Variants in DNAH17 observed in about 807,000 individuals in gnomAD.
DNAH17 encodes axonemal beta dynein heavy chain 17.
Under a neutral mutation model 485.6 loss-of-function variants are expected in DNAH17, and 376 were observed. The observed-to-expected ratio is 0.77, with a 90% CI of 0.71 to 0.84. The LOEUF (loss-of-function observed/expected upper bound fraction) is 0.84, where lower values mean the gene tolerates loss of function less well. Ranked by LOEUF, DNAH17 falls within the 40% of genes least tolerant of loss-of-function variation. The pLI is 0.00. For missense variants in DNAH17, 6,370 were observed against 5,839.3 expected (o/e 1.09, Z -2.96); for synonymous variants, 3,031 against 2,405.9 (o/e 1.26, Z -7.60).
chr17:78,451,688 A>G lies in DNAH17; in HGVS notation c.10530-15T>C, dbSNP rs747940839. On this transcript the variant is annotated splice_polypyrimidine_tract_variant and intron_variant, in intron 65 of 80. Coordinates refer to ENST00000389840, the MANE Select transcript of DNAH17 (RefSeq NM_173628.4). The stretch of plus-strand genomic sequence containing the variant: ...TCTTAATGTACCTGGCGGTTGGTGG[A>G]GGAAAGGGTTAGTGGGCCTCCCAGT... The G allele has an allele frequency of 6.5e-7, 1 of 1,548,318 alleles. No homozygotes were observed. Among genetic ancestry groups the G allele is most frequent in the Non-Finnish European group, 8.7e-7 (1 of 1,146,650 alleles).
intron 14 of DNAH17, among the ~76,000 whole-genome samples, chr17:78,553,314 T>G (rs2091950338): frequency 5.7e-5 from 3 of 52,484 alleles, no homozygotes; most frequent in African/African-American, 1.9e-4. Context: ...TTTTTTTTTT[T>G]TTTTTAAGAT....
rs1387307141 is a variant in DNAH17 at position 78,433,939 on chromosome 17, AGGAGGGAGGGAAGGAGGGAG to A, written c.12225+70_12225+89del. 5.2e-3 allele frequency: 4,797 copies of A among 913,822 alleles called. 205 individuals are homozygous for A. In the African/African-American group the frequency reaches 0.092, roughly 18 times the overall value. 56.6% of individuals were successfully genotyped at this position (913,822 alleles called of 1,614,324 possible). ...AGGGAGGGAAGGAAGGAGGGAGGGA[AGGAGGGAGGGAAGGAGGGAG>A]GGAAGGAGGGAGGGAAGGAGGGAAA... On this transcript the variant is annotated intron_variant, in intron 75 of 80. Transcript: ENST00000389840.
intron 74 of DNAH17, among the ~76,000 whole-genome samples, chr17:78,434,698 C>A (rs2086802091): frequency 6.6e-6 from 1 of 151,980 alleles, no homozygotes; most frequent in South Asian, 2.1e-4. Flanking sequence ...CTTCTCAAAC[C>A]CTTTCTTTTT....
At chr17:78,472,123 T>C (rs1195785298) in intron 54 of DNAH17, among the ~76,000 whole-genome samples, 1 of 152,204 alleles carries the variant, frequency 6.6e-6, no homozygotes, top group Non-Finnish European at 1.5e-5. Context: ...TCCCTTTCTT[T>C]GGCCAAAACA....
intron 17 of DNAH17, among the ~76,000 whole-genome samples, chr17:78,540,468 T>TGG (rs1210750181): frequency 7.5e-5 from 1 of 13,370 alleles, no homozygotes; most frequent in Admixed American, 9.5e-4. Flanking sequence ...GGTGGGTGGG[T>TGG]ATGTGGATGT....
In DNAH17 at chr17:78,476,485, G is replaced by C. The variant is rs1437116404; in HGVS notation, c.8154+87C>G. 3.5e-6 allele frequency: 5 copies of C among 1,434,078 alleles called. No individual in the cohort carries two copies. The Admixed American group carries it at 1.0e-4, about 29-fold the overall frequency. 88.8% of individuals were successfully genotyped at this position (1,434,078 alleles called of 1,614,324 possible). ...CACCCCCAACAAAGGGCCCTTCTGA[G>C]AGGGCTGCAGTTCTCATTGGCCGCC... is the stretch of plus-strand genomic sequence containing the variant. On this transcript the variant is annotated intron_variant, in intron 52 of 80. Transcript: ENST00000389840.
intron 11 of DNAH17, among the ~76,000 whole-genome samples, chr17:78,565,122 C>CA (rs1479148082): frequency 3.3e-5 from 5 of 152,182 alleles, no homozygotes; most frequent in East Asian, 1.9e-4. Context: ...CATGGACTCC[C>CA]ACCCTGCTCC....
chr17:78,485,112 T>C (rs2089540242), intron 47 of DNAH17, 79 bp from the exon 48 acceptor site: 1 of 1,460,454 alleles, frequency 6.8e-7, no homozygotes, highest in Non-Finnish European at 9.1e-7. Context: ...CGCTACCTGC[T>C]TCCCCGGAGG....
Position 78,484,739 on chromosome 17 carries a change from A to AC in DNAH17, c.7649+128dup, listed in dbSNP as rs1230693196. 98 of 349,492 alleles carry AC rather than the reference A, an allele frequency of 2.8e-4. 1 individual carries two copies. Among genetic ancestry groups the AC allele is most frequent in the East Asian group, 1.1e-3 (18 of 16,086 alleles). 21.6% of individuals were successfully genotyped at this position (349,492 alleles called of 1,614,324 possible). A position where few individuals can be genotyped will look rare whatever the true frequency, so the allele number is the denominator to read the frequency against. ...CGTGTCTCCCTACCCACGTTGCAGC[A>AC]CCCCCCCCACCGCCCCACACCAGTC... On this transcript the variant is annotated intron_variant, in intron 48 of 80. Transcript: ENST00000389840.
chr17:78,438,443 GAGGGAGGA>G (rs2086934792), intron 73 of DNAH17, among the ~76,000 whole-genome samples: 3 of 111,356 alleles, frequency 2.7e-5, no homozygotes, highest in Non-Finnish European at 3.6e-5. Context: ...GGAGGAGGAG[GAGGGAGGA>G]GGGAGGAGGA....
chr17:78,532,536 C>T lies in DNAH17; in HGVS notation c.3060G>A (p.Trp1020Ter). 1.2e-6 allele frequency: 2 copies of T among 1,611,314 alleles called. No homozygotes were observed. Among genetic ancestry groups the T allele is most frequent in the South Asian group, 2.2e-5 (2 of 90,414 alleles). Residue 1020 changes from tryptophan (W) to a stop codon, truncating the protein, a stop_gained, in exon 20 of 81, where the codon TGG becomes TGA. Coordinates refer to ENST00000389840, the MANE Select transcript of DNAH17 (RefSeq NM_173628.4). LOFTEE classifies it high-confidence loss of function. The part of the protein sequence containing the change: ...CAVTAEDLDT[W>*]TDDTIPKTPP... Reference sequence around the variant, plus strand: ...GTGTCTTGGGGATGGTGTCATCTGTCCAGGTGTCCAAGTCCTCCGCAGTGA... The same window carrying T: ...GTGTCTTGGGGATGGTGTCATCTGTTCAGGTGTCCAAGTCCTCCGCAGTGA...
chr17:78,487,810 G>A (rs2089677817), intron 44 of DNAH17, among the ~76,000 whole-genome samples: 1 of 152,116 alleles, frequency 6.6e-6, no homozygotes, highest in Non-Finnish European at 1.5e-5. Flanking sequence ...CAGACATGAG[G>A]CACTGTGCTT....
At chr17:78,532,405 G>C in intron 20 of DNAH17, 77 bp downstream of exon 20, 1 of 1,497,264 alleles carries the variant, frequency 6.7e-7, no homozygotes, top group Admixed American at 2.3e-5. Flanking sequence ...ATTCACCCAA[G>C]TTTTAAAGCA....
At chr17:78,488,088 T>C (rs986568925) in intron 44 of DNAH17, among the ~76,000 whole-genome samples, 1 of 152,208 alleles carries the variant, frequency 6.6e-6, no homozygotes, top group African/African-American at 2.4e-5. Context: ...CTTTCTGCCT[T>C]CTACTTTGAA....
rs760572591 is a variant in DNAH17, at chr17:78,490,857, G to A, written c.6670-10C>T. 18 of 1,588,298 alleles carry A rather than the reference G, an allele frequency of 1.1e-5. No individual in the cohort carries two copies. The highest frequency in any genetic ancestry group is 1.8e-5 in the Admixed American group (1 of 57,014). On this transcript the variant is annotated splice_polypyrimidine_tract_variant and intron_variant, in intron 43 of 80. Transcript: ENST00000389840. ...TGGCCAGGGTGAGGACCTAGGAGGGGGACAGCAGCCCGTGGGGTCCTAAGG... is the reference window on the plus strand; with the variant it reads ...TGGCCAGGGTGAGGACCTAGGAGGGAGACAGCAGCCCGTGGGGTCCTAAGG...
chr17:78,511,763 G>A (rs895704931), intron 26 of DNAH17, among the ~76,000 whole-genome samples: 2 of 152,202 alleles, frequency 1.3e-5, no homozygotes, highest in Admixed American at 6.5e-5. Context: ...ATATGTGCCC[G>A]AGGCTCACCA....
intron 68 of DNAH17, chr17:78,449,818 C>T (rs765879684): frequency 7.1e-5 from 37 of 518,068 alleles, no homozygotes; most frequent in South Asian, 1.5e-4. Context: ...CCTCCCAAGG[C>T]GCACACCACC....
intron 14 of DNAH17, among the ~76,000 whole-genome samples, chr17:78,554,336 C>T (rs570785243): frequency 6.9e-6 from 1 of 145,880 alleles, no homozygotes; most frequent in Non-Finnish European, 1.5e-5. Flanking sequence ...ACTTGGGAGG[C>T]CAAGGTGCGA....
At chr17:78,561,079 A>G in intron 12 of DNAH17, 144 bp from the exon 13 acceptor site, 1 of 765,130 alleles carries the variant, frequency 1.3e-6, no homozygotes, top group Non-Finnish European at 2.1e-6. Flanking sequence ...ATATGCAAAC[A>G]AGCAGTGGCC....
Sources: gnomAD v4.1 joint callset for allele counts (sites outside exome capture counted in the v4.1 genomes callset) on GRCh38, gnomAD v4.1.1 for gene constraint, MANE v1.5 for transcripts, NCBI Gene and HGNC (gene_info 2026-07-23, HGNC 2026-07-21) for gene names.